MKRN2OS: variants seen among roughly 807,000 people sequenced by gnomAD.
MKRN2OS encodes MKRN2 opposite strand.
In MKRN2OS, 17 loss-of-function variants were observed where a neutral mutation model predicts 18.2. The ratio of observed to expected loss-of-function variants is 0.93; its 90% CI spans 0.64 to 1.40. The LOEUF (loss-of-function observed/expected upper bound fraction) is 1.40, where lower values mean the gene tolerates loss of function less well. Among genes scored for constraint, MKRN2OS ranks in the 40% most tolerant of loss-of-function variants. The pLI is 0.00. For missense variants in MKRN2OS, 337 were observed against 283.0 expected, an observed-to-expected ratio of 1.19 and a Z score of -1.37; for synonymous variants, 121 against 108.5, an observed-to-expected ratio of 1.12 and a Z score of -0.72.
At chr3:12,557,557 C>T (rs1334249617) in intron 1 of MKRN2OS, among the ~76,000 whole-genome samples, 1 of 152,220 alleles carries the variant, frequency 6.6e-6, no homozygotes, top group Non-Finnish European at 1.5e-5. Flanking sequence ...AGGACGGTTA[C>T]AAATGGGGAT....
chr3:12,546,008 C>T (rs902388137), upstream of MKRN2OS, among the ~76,000 whole-genome samples: 1 of 152,068 alleles, frequency 6.6e-6, no homozygotes, highest in Admixed American at 6.6e-5. Flanking sequence ...GGGGTTTCAC[C>T]ATGTTGGCCA....
At chr3:12,553,796 A>G (rs1296368336) in exon 2 of MKRN2OS, 1 of 152,238 alleles carries the variant, frequency 6.6e-6, no homozygotes, top group Non-Finnish European at 1.5e-5. Flanking sequence ...AACCATTAGA[A>G]TTAATTCAAA....
chr3:12,541,970 C>A lies in MKRN2OS; in HGVS notation c.321G>T (p.Trp107Cys). Residue 107 changes from tryptophan (W) to cysteine (C), a missense_variant, in exon 3 of 4, where the codon TGG (tryptophan) becomes TGT (cysteine). Transcript: ENST00000564146. ...AHGVQRDGEG[W>C]EESISIPLLQ... ...GTAATGGGATGCTTATGCTCTCTTC[C>A]CACCCTTCTCCGTCTCGCTGGACAC... 6.5e-7 allele frequency: 1 copy of A among 1,536,030 alleles called. No individual in the cohort carries two copies. The highest frequency in any genetic ancestry group is 8.7e-7 in the Non-Finnish European group (1 of 1,146,878).
At chr3:12,559,440 T>G (rs2058017530) in intron 1 of MKRN2OS, among the ~76,000 whole-genome samples, 1 of 152,166 alleles carries the variant, frequency 6.6e-6, no homozygotes, top group Non-Finnish European at 1.5e-5. Context: ...TTGTTTGTTT[T>G]TTTGTTTTTT....
rs1418970929 is a variant in MKRN2OS at position 12,539,806 on chromosome 3, A to T, written c.*387T>A. On this transcript the variant is annotated 3_prime_UTR_variant, in exon 4 of 4. Coordinates refer to ENST00000564146, the MANE Select transcript of MKRN2OS (RefSeq NM_001195279.2). ...ATTTTTTATTTTTTATTTTTTTGAGATGGAGTTTCACTCTTGTTGCCCAGG... is the reference window on the plus strand; with the variant it reads ...ATTTTTTATTTTTTATTTTTTTGAGTTGGAGTTTCACTCTTGTTGCCCAGG... 6.6e-6 allele frequency among the ~76,000 whole-genome samples: 1 copy of T among 151,860 alleles called. No individual in the cohort carries two copies. Among genetic ancestry groups the T allele is most frequent in the Non-Finnish European group, 1.5e-5 (1 of 67,948 alleles).
In MKRN2OS at chr3:12,540,092, G is replaced by A. The variant is rs888962697; in HGVS notation, c.*101C>T. ...GAGCCACCATGCCCGGCCCATACACGCTTTTATTAACCACAGTTAAATGCA... is the reference window on the plus strand; with the variant it reads ...GAGCCACCATGCCCGGCCCATACACACTTTTATTAACCACAGTTAAATGCA... On this transcript the variant is annotated 3_prime_UTR_variant, in exon 4 of 4. Coordinates refer to ENST00000564146, the MANE Select transcript of MKRN2OS (RefSeq NM_001195279.2). 8.2e-5 allele frequency: 121 copies of A among 1,481,242 alleles called. 1 individual carries two copies. In the Admixed American group the frequency reaches 1.8e-3, roughly 21 times the overall value. 91.8% of individuals were successfully genotyped at this position (1,481,242 alleles called of 1,614,324 possible).
intron 1 of MKRN2OS, among the ~76,000 whole-genome samples, chr3:12,559,348 A>G (rs1479793772): frequency 6.6e-6 from 1 of 152,200 alleles, no homozygotes; most frequent in African/African-American, 2.4e-5. Context: ...GTCTCTAGAC[A>G]TTGATAATTT....
upstream of MKRN2OS, among the ~76,000 whole-genome samples, chr3:12,547,109 A>C (rs1222357233): frequency 6.6e-6 from 1 of 151,824 alleles, no homozygotes; most frequent in Non-Finnish European, 1.5e-5. Context: ...CCCTGTCTCT[A>C]AATAAATAAA....
intron 1 of MKRN2OS, chr3:12,557,041 G>GTGCGCCGGCGTGCGCCGGCC: frequency 8.5e-7 from 1 of 1,169,688 alleles, no homozygotes; most frequent in Non-Finnish European, 1.1e-6. Context: ...GTGCGCCGGC[G>GTGCGCCGGCGTGCGCCGGCC]TGCGCCGGCG....
upstream of MKRN2OS, among the ~76,000 whole-genome samples, chr3:12,548,396 C>T (rs2057902263): frequency 1.2e-5 from 1 of 83,688 alleles, no homozygotes; most frequent in Non-Finnish European, 2.1e-5. Context: ...TGCAGTGAGC[C>T]GAGATCGCGC....
Position 12,540,140 on chromosome 3 carries a change from T to G in MKRN2OS, c.*53A>C. On this transcript the variant is annotated 3_prime_UTR_variant, in exon 4 of 4. Transcript: ENST00000564146. The stretch of plus-strand genomic sequence containing the variant: ...GCATTTAGAAATCCATAGTACTGAT[T>G]AAAGGTAGCAACCACCCTACCCTCC... 2.0e-6 allele frequency: 3 copies of G among 1,534,754 alleles called. No homozygotes were observed. Among genetic ancestry groups the G allele is most frequent in the Non-Finnish European group, 2.6e-6 (3 of 1,146,026 alleles).
downstream of MKRN2OS, among the ~76,000 whole-genome samples, chr3:12,552,761 G>A (rs2057939038): frequency 6.6e-6 from 1 of 151,628 alleles, no homozygotes; most frequent in Non-Finnish European, 1.5e-5. Flanking sequence ...GGTGGCTCAT[G>A]CCTGTAATCC....
intron 1 of MKRN2OS, among the ~76,000 whole-genome samples, chr3:12,544,943 A>G (rs185640977): frequency 4.6e-4 from 70 of 152,358 alleles, no homozygotes; most frequent in Admixed American, 4.5e-3. Context: ...TTTAGATAAG[A>G]TTAGCTGCTG....
chr3:12,545,959 A>C (rs2057879184), upstream of MKRN2OS, among the ~76,000 whole-genome samples: 1 of 152,128 alleles, frequency 6.6e-6, no homozygotes, highest in Non-Finnish European at 1.5e-5. Context: ...GACACACGCC[A>C]CTATACCCAA....
chr3:12,546,845 T>C (rs867528451), upstream of MKRN2OS, among the ~76,000 whole-genome samples: 3 of 152,210 alleles, frequency 2.0e-5, no homozygotes, highest in Non-Finnish European at 4.4e-5. Flanking sequence ...CCCAAAGTGC[T>C]GGGATTACAG....
In MKRN2OS at chr3:12,540,860, T is replaced by G. The variant is rs528134902; in HGVS notation, c.432-427A>C. Among the ~76,000 whole-genome samples the G allele has an allele frequency of 2.5e-5, 3 of 120,156 alleles. No homozygotes were observed. In the Admixed American group the frequency reaches 3.2e-4, roughly 13 times the overall value. The allele number at this position is 120,156 out of a possible 152,430, so 78.8% of individuals were successfully genotyped here. A position where few individuals can be genotyped will look rare whatever the true frequency, so the allele number is the denominator to read the frequency against. Reference sequence around the variant, plus strand: ...CTGTACTCCAGCCTGGGTGACAGAGTGAGTAAGACTCCATCTCAAAAAAAA... The same window carrying G: ...CTGTACTCCAGCCTGGGTGACAGAGGGAGTAAGACTCCATCTCAAAAAAAA... On this transcript the variant is annotated intron_variant, in intron 3 of 3. Transcript: ENST00000564146.
intron 1 of MKRN2OS, among the ~76,000 whole-genome samples, chr3:12,556,307 C>T (rs2057970088): frequency 6.6e-6 from 1 of 151,690 alleles, no homozygotes; most frequent in Non-Finnish European, 1.5e-5. Flanking sequence ...GCCGAGATCG[C>T]CCCACTGCAC....
intron 3 of MKRN2OS, 21 bp from the exon 4 acceptor site, chr3:12,540,454 T>G (rs1236824173): frequency 6.5e-7 from 1 of 1,535,672 alleles, no homozygotes; most frequent in Non-Finnish European, 8.7e-7. Flanking sequence ...AGAATAAGGG[T>G]GTTGAGAAGA....
At chr3:12,558,263 C>G (rs921705835) in intron 1 of MKRN2OS, among the ~76,000 whole-genome samples, 4 of 152,180 alleles carry the variant, frequency 2.6e-5, no homozygotes, top group African/African-American at 9.7e-5. Flanking sequence ...TTATGTTAAG[C>G]TGTTGTCAGA....
Sources: allele counts gnomAD v4.1 joint callset (sites outside exome capture counted in the v4.1 genomes callset), GRCh38; gene constraint gnomAD v4.1.1; transcripts MANE v1.5; gene names NCBI Gene and HGNC (gene_info 2026-07-23, HGNC 2026-07-21).